Variants in WDR72 observed in about 807,000 individuals in gnomAD.
WDR72 encodes WD repeat-containing protein 72.
Under a neutral mutation model 124.2 loss-of-function variants are expected in WDR72, and 120 were observed. The observed-to-expected ratio is 0.97, with a 90% confidence interval of 0.83 to 1.12. The LOEUF (loss-of-function observed/expected upper bound fraction) is 1.12, where lower values mean the gene tolerates loss of function less well. Ranked by LOEUF, WDR72 falls within the 50% of genes most tolerant of loss-of-function variation. WDR72 has a pLI of 0.00. For synonymous variants in WDR72, 452 were observed against 441.7 expected, an observed-to-expected ratio of 1.02 and a Z score of -0.29; for missense variants, 1,387 against 1,278.8, an observed-to-expected ratio of 1.08 and a Z score of -1.29.
upstream of WDR72, among the ~76,000 whole-genome samples, chr15:53,760,704 C>T (rs689868): frequency 0.067 from 10,155 of 152,146 alleles, 675 homozygotes; most frequent in African/African-American, 0.17. Flanking sequence ...ACCTAGCAAT[C>T]GGGTTGCTGG....
chr15:53,672,883 A>G (rs1181351149), intron 13 of WDR72, among the ~76,000 whole-genome samples: 1 of 152,188 alleles, frequency 6.6e-6, no homozygotes, highest in African/African-American at 2.4e-5. Context: ...TAATCCCAGC[A>G]CTTTGGGAGA....
chr15:53,604,579 G>A (rs1301634221), intron 17 of WDR72, among the ~76,000 whole-genome samples: 1 of 151,888 alleles, frequency 6.6e-6, no homozygotes, highest in Admixed American at 6.6e-5. Flanking sequence ...TGCAAAATAT[G>A]CATCTTACGA....
chr15:53,625,611 T>G (rs1371573575), intron 14 of WDR72, among the ~76,000 whole-genome samples: 1 of 152,158 alleles, frequency 6.6e-6, no homozygotes, highest in Non-Finnish European at 1.5e-5. Flanking sequence ...TACAAAGACT[T>G]TGGGAAAAGA....
chr15:53,688,703 G>A (rs1370529459), intron 13 of WDR72, among the ~76,000 whole-genome samples: 2 of 151,980 alleles, frequency 1.3e-5, no homozygotes, highest in Non-Finnish European at 2.9e-5. Context: ...TCACAGAATT[G>A]GAAAAAACTA....
rs115412480 is a variant in WDR72, at chr15:53,730,611, C to T, written c.153+2386G>A. Among the ~76,000 whole-genome samples the T allele has an allele frequency of 6.4e-3, 969 of 152,136 alleles. 15 individuals carry two copies. The highest frequency in any genetic ancestry group is 0.022 in the African/African-American group (932 of 41,492). On this transcript the variant is annotated intron_variant, in intron 2 of 19. Coordinates refer to ENST00000360509, the MANE Select transcript of WDR72 (RefSeq NM_182758.4). The stretch of plus-strand genomic sequence containing the variant: ...AAGAGAAAATAAATGGCTCCCTGTT[C>T]ACTTTACAACCTCCCATGCCCGACT...
Position 53,706,348 on chromosome 15 carries a change from G to A in WDR72, c.955-274C>T, listed in dbSNP as rs201360271. On this transcript the variant is annotated intron_variant, in intron 9 of 19. Transcript: ENST00000360509. ...TATATGTGCGTGTGTGTGTGTGTGT[G>A]TGTATATATATATATATATATATAT... 3.9e-3 allele frequency among the ~76,000 whole-genome samples: 223 copies of A among 57,326 alleles called. 2 individuals are homozygous for A. The highest frequency in any genetic ancestry group is 0.019 in the African/African-American group (196 of 10,178). 37.6% of individuals were successfully genotyped at this position (57,326 alleles called of 152,430 possible). A position where few individuals can be genotyped will look rare whatever the true frequency, so the allele number is the denominator to read the frequency against.
At chr15:53,663,205 A>G (rs2015666101) in intron 14 of WDR72, among the ~76,000 whole-genome samples, 1 of 152,122 alleles carries the variant, frequency 6.6e-6, no homozygotes, top group South Asian at 2.1e-4. Flanking sequence ...AACATAAATT[A>G]AAAAGATATA....
intron 14 of WDR72, among the ~76,000 whole-genome samples, chr15:53,651,080 C>G (rs190403818): frequency 6.6e-6 from 1 of 152,086 alleles, no homozygotes; most frequent in Non-Finnish European, 1.5e-5. Context: ...AATATTGACT[C>G]TTAATGCTCC....
rs752726280 is a variant in WDR72 at position 53,665,525 on chromosome 15, T to C, written c.1962+47A>G. Reference sequence around the variant, plus strand: ...ATTTATGAATGCATATAACTTCTTATTCGGTTGATAATGTTCTTTGTGAAC... The same window carrying C: ...ATTTATGAATGCATATAACTTCTTACTCGGTTGATAATGTTCTTTGTGAAC... On this transcript the variant is annotated intron_variant, in intron 14 of 19. Coordinates refer to ENST00000360509, the MANE Select transcript of WDR72 (RefSeq NM_182758.4). 15 of 1,606,722 alleles carry C rather than the reference T, an allele frequency of 9.3e-6. No individual in the cohort carries two copies. In the Admixed American group the frequency reaches 1.3e-4, roughly 14 times the overall value.
At chr15:53,577,693 CA>C in intron 18 of WDR72, among the ~76,000 whole-genome samples, 1 of 152,194 alleles carries the variant, frequency 6.6e-6, no homozygotes, top group Non-Finnish European at 1.5e-5. Context: ...GTTGCCAGGA[CA>C]AACTTAAAAA....
intron 16 of WDR72, among the ~76,000 whole-genome samples, chr15:53,610,812 A>C (rs553742829): frequency 5.9e-5 from 9 of 152,216 alleles, no homozygotes; most frequent in Middle Eastern, 3.4e-3. Context: ...CCATTTCTTC[A>C]TGAACACAGC....
intron 17 of WDR72, among the ~76,000 whole-genome samples, chr15:53,601,267 T>C (rs928225984): frequency 6.6e-6 from 1 of 151,968 alleles, no homozygotes; most frequent in Admixed American, 6.6e-5. Flanking sequence ...CTAAGCTTCA[T>C]AAGTAAAGGA....
At chr15:53,548,689 G>T (rs1278637038) in intron 18 of WDR72, among the ~76,000 whole-genome samples, 1 of 151,052 alleles carries the variant, frequency 6.6e-6, no homozygotes, top group Non-Finnish European at 1.5e-5. Context: ...ACTATAGCAT[G>T]ATTATAAAAC....
At chr15:53,645,846 T>A (rs1181323354) in intron 14 of WDR72, among the ~76,000 whole-genome samples, 1 of 152,174 alleles carries the variant, frequency 6.6e-6, no homozygotes. Context: ...TAGATTAACC[T>A]TAAGTAGGAC....
rs1368354530 is a variant in WDR72, at chr15:53,610,117, G to A, written c.2873-525C>T. Among the ~76,000 whole-genome samples, 6 of 152,066 alleles carry A rather than the reference G, an allele frequency of 3.9e-5. No homozygotes were observed. In the South Asian group the frequency reaches 1.2e-3, roughly 32 times the overall value. On this transcript the variant is annotated intron_variant, in intron 16 of 19. Coordinates refer to ENST00000360509, the MANE Select transcript of WDR72 (RefSeq NM_182758.4). The stretch of plus-strand genomic sequence containing the variant: ...TATACCACTTTGATCAATAGGTAGA[G>A]CACTACTGTTTTAATTTAACTCATT...
chr15:53,591,247 T>A (rs770002165), intron 18 of WDR72, among the ~76,000 whole-genome samples: 2 of 152,088 alleles, frequency 1.3e-5, no homozygotes, highest in Non-Finnish European at 2.9e-5. Flanking sequence ...TGATTCTAGT[T>A]TGTATCCTCA....
chr15:53,596,982 A>G, intron 18 of WDR72, 97 bp downstream of exon 18: 1 of 1,167,232 alleles, frequency 8.6e-7, no homozygotes, highest in Non-Finnish European at 1.3e-6. Flanking sequence ...GCACCATGAT[A>G]TAATCGAAAA....
intron 13 of WDR72, among the ~76,000 whole-genome samples, chr15:53,674,750 T>G (rs879393890): frequency 5.3e-5 from 8 of 152,172 alleles, no homozygotes; most frequent in Non-Finnish European, 1.2e-4. Context: ...CTTCTGTACC[T>G]TAAGGGTATA....
rs2013746637 is a variant in WDR72, at chr15:53,615,944, A to G, written c.2262T>C (p.Asp754=). 6.2e-7 allele frequency: 1 copy of G among 1,613,278 alleles called. No individual in the cohort carries two copies. Among genetic ancestry groups the G allele is most frequent in the Non-Finnish European group, 8.5e-7 (1 of 1,179,654 alleles). Residue 754 remains aspartate (D), a synonymous_variant, in exon 15 of 20, where the codon GAT becomes GAC. Transcript: ENST00000360509. ...TTTCTTCTGAGAATTTGATGGTATT[A>G]TCTCCTTGGGCCAGGCTTTCAGTAA... ...KPITESLAQG[D]NTIKFSEEND... is the part of the protein sequence containing the mutation.
Sources: gnomAD v4.1 joint callset for allele counts (sites outside exome capture counted in the v4.1 genomes callset) on GRCh38, gnomAD v4.1.1 for gene constraint, MANE v1.5 for transcripts, NCBI Gene and HGNC (gene_info 2026-07-23, HGNC 2026-07-21) for gene names.